CNTNAP5: variants seen among roughly 807,000 people sequenced by gnomAD.
The protein encoded by CNTNAP5 is contactin associated protein family member 5, also known as contactin-associated protein-like 5.
A neutral mutation model predicts 150.2 loss-of-function variants in CNTNAP5; 72 were observed. The observed-to-expected ratio is 0.48, with a 90% CI of 0.40 to 0.58. The LOEUF (loss-of-function observed/expected upper bound fraction) is 0.58, where lower values mean the gene tolerates loss of function less well. Ranked by LOEUF, CNTNAP5 falls within the 20% of genes least tolerant of loss-of-function variation. The pLI is 0.00. For synonymous variants in CNTNAP5, 672 were observed against 619.8 expected (o/e 1.08, Z -1.25); for missense variants, 1,636 against 1,626.2 (o/e 1.01, Z -0.10).
intron 3 of CNTNAP5, among the ~76,000 whole-genome samples, chr2:124,305,450 A>T (rs1688664473): frequency 6.6e-6 from 1 of 152,214 alleles, no homozygotes; most frequent in South Asian, 2.1e-4. Context: ...TTTGACATTT[A>T]GGAAAGTTGA....
intron 1 of CNTNAP5, among the ~76,000 whole-genome samples, chr2:124,145,802 AAAAAAACATT>A (rs1440172216): frequency 2.4e-5 from 2 of 81,684 alleles, no homozygotes; most frequent in Non-Finnish European, 4.4e-5. Context: ...AATAAAAAAA[AAAAAAACATT>A]AAAAAAAAAA....
intron 23 of CNTNAP5, among the ~76,000 whole-genome samples, chr2:124,913,297 A>G (rs1389468543): frequency 3.3e-5 from 5 of 152,106 alleles, no homozygotes; most frequent in African/African-American, 4.8e-5. Context: ...TGCCGCTTCC[A>G]TGTTTTCACT....
intron 21 of CNTNAP5, among the ~76,000 whole-genome samples, chr2:124,897,374 G>A (rs1678327388): frequency 6.6e-6 from 1 of 151,460 alleles, no homozygotes; most frequent in South Asian, 2.1e-4. Flanking sequence ...ATGATTGAAA[G>A]CTCACAGAGA....
chr2:124,594,724 G>C lies in CNTNAP5; in HGVS notation c.1757-15077G>C, dbSNP rs565946197. 2.7e-3 allele frequency among the ~76,000 whole-genome samples: 360 copies of C among 135,800 alleles called. 7 individuals are homozygous for C. Among genetic ancestry groups the C allele is most frequent in the African/African-American group, 9.2e-3 (345 of 37,336 alleles). The allele number at this position is 135,800 out of a possible 152,430, so 89.1% of individuals were successfully genotyped here. On this transcript the variant is annotated intron_variant, in intron 11 of 23. Transcript: ENST00000682447. The stretch of plus-strand genomic sequence containing the variant: ...TGGCATTGAATCTGTAAATTACCTT[G>C]GGCAGTATGGCCATTTTCACGATAT...
intron 12 of CNTNAP5, among the ~76,000 whole-genome samples, chr2:124,612,440 G>T (rs1239122340): frequency 6.6e-6 from 1 of 152,054 alleles, no homozygotes; most frequent in Admixed American, 6.5e-5. Flanking sequence ...TCAAAATAAT[G>T]CAAGGACAAG....
chr2:124,229,147 A>G (rs1686547644), intron 2 of CNTNAP5, among the ~76,000 whole-genome samples: 1 of 152,168 alleles, frequency 6.6e-6, no homozygotes, highest in African/African-American at 2.4e-5. Flanking sequence ...CCATAGCAGA[A>G]AAGACCAACT....
chr2:124,599,575 A>G (rs1333895279), intron 11 of CNTNAP5, among the ~76,000 whole-genome samples: 2 of 152,222 alleles, frequency 1.3e-5, no homozygotes, highest in Non-Finnish European at 2.9e-5. Flanking sequence ...TTTACTTTAC[A>G]TAACAAATGT....
intron 3 of CNTNAP5, among the ~76,000 whole-genome samples, chr2:124,338,175 G>T (rs986416129): frequency 2.0e-5 from 3 of 151,676 alleles, no homozygotes; most frequent in African/African-American, 7.3e-5. Flanking sequence ...TTTGTCTGTT[G>T]TTGGTGTATA....
intron 3 of CNTNAP5, among the ~76,000 whole-genome samples, chr2:124,338,755 G>T (rs536740571): frequency 6.6e-6 from 1 of 152,172 alleles, no homozygotes; most frequent in Non-Finnish European, 1.5e-5. Context: ...AAAGTCCTTA[G>T]TTCTGAGGCA....
intron 13 of CNTNAP5, among the ~76,000 whole-genome samples, chr2:124,723,064 C>A (rs1680079516): frequency 6.6e-6 from 1 of 152,064 alleles, no homozygotes; most frequent in Non-Finnish European, 1.5e-5. Context: ...TCTCCAGAAC[C>A]CACTTTCTAC....
intron 1 of CNTNAP5, among the ~76,000 whole-genome samples, chr2:124,041,391 A>G (rs1220718401): frequency 6.6e-6 from 1 of 152,222 alleles, no homozygotes; most frequent in Admixed American, 6.5e-5. Flanking sequence ...GTCTCATTTT[A>G]CACACCATCC....
chr2:124,336,875 T>A (rs1255394834), intron 3 of CNTNAP5, among the ~76,000 whole-genome samples: 1 of 152,132 alleles, frequency 6.6e-6, no homozygotes, highest in Non-Finnish European at 1.5e-5. Context: ...TTTATAATCC[T>A]TTGGGTATAT....
intron 3 of CNTNAP5, among the ~76,000 whole-genome samples, chr2:124,270,295 C>T (rs997835081): frequency 6.6e-6 from 1 of 151,540 alleles, no homozygotes; most frequent in Non-Finnish European, 1.5e-5. Flanking sequence ...GATGGCTGAG[C>T]AAGACTCCAT....
intron 3 of CNTNAP5, among the ~76,000 whole-genome samples, chr2:124,394,805 A>G (rs1573964634): frequency 6.6e-6 from 1 of 152,158 alleles, no homozygotes; most frequent in African/African-American, 2.4e-5. Context: ...CTTCCTTCTC[A>G]CTGCTTCGCC....
intron 1 of CNTNAP5, among the ~76,000 whole-genome samples, chr2:124,035,971 G>C (rs1396102274): frequency 8.1e-6 from 1 of 123,284 alleles, no homozygotes; most frequent in East Asian, 2.4e-4. Flanking sequence ...AGGCCGGACT[G>C]CGGACTGCAG....
chr2:124,695,855 C>T (rs980865687), intron 13 of CNTNAP5, among the ~76,000 whole-genome samples: 2 of 152,114 alleles, frequency 1.3e-5, no homozygotes, highest in East Asian at 3.9e-4. Context: ...GTGCTCGGCA[C>T]CTGTCCCAGG....
At chr2:124,785,041 G>GAAAAAAAAAAAA (rs67254743) in intron 17 of CNTNAP5, among the ~76,000 whole-genome samples, 1 of 123,506 alleles carries the variant, frequency 8.1e-6, no homozygotes, top group Non-Finnish European at 1.7e-5. Context: ...TTAAGGCTGA[G>GAAAAAAAAAAAA]AAAAAAAAAA....
intron 14 of CNTNAP5, among the ~76,000 whole-genome samples, chr2:124,752,280 C>G (rs556663640): frequency 6.6e-6 from 1 of 152,110 alleles, no homozygotes; most frequent in South Asian, 2.1e-4. Flanking sequence ...TTCTTGAACT[C>G]CTGGGTTCAA....
chr2:124,647,126 T>A (rs1678219133), intron 12 of CNTNAP5, among the ~76,000 whole-genome samples: 1 of 149,924 alleles, frequency 6.7e-6, no homozygotes, highest in Non-Finnish European at 1.5e-5. Flanking sequence ...AGGCAAAATA[T>A]GTCCTTCCGT....
Sources: allele counts gnomAD v4.1 joint callset (sites outside exome capture counted in the v4.1 genomes callset), GRCh38; gene constraint gnomAD v4.1.1; transcripts MANE v1.5; gene names NCBI Gene and HGNC (gene_info 2026-07-23, HGNC 2026-07-21).